KCNQ1: variants seen among roughly 807,000 people sequenced by gnomAD.
KCNQ1 encodes potassium voltage-gated channel subfamily KQT member 1.
Under a neutral mutation model 72.4 loss-of-function variants are expected in KCNQ1, and 49 were observed. That is an observed-to-expected ratio of 0.68 (90% CI 0.54 to 0.86). KCNQ1 has a LOEUF of 0.86. KCNQ1 is among the 40% of genes least tolerant of loss of function. KCNQ1 has a pLI of 0.00. For missense variants in KCNQ1, 790 were observed against 945.1 expected (o/e 0.84, Z 2.15); for synonymous variants, 450 against 412.6 (o/e 1.09, Z -1.10).
chr11:2,780,188 C>G (rs1160069957), intron 15 of KCNQ1, among the ~76,000 whole-genome samples: 1 of 152,166 alleles, frequency 6.6e-6, no homozygotes, highest in Non-Finnish European at 1.5e-5. Context: ...CTGTGCTGAC[C>G]TAGGTGGGTA....
intron 6 of KCNQ1, among the ~76,000 whole-genome samples, chr11:2,583,063 G>C (rs1848527435): frequency 6.6e-6 from 1 of 152,174 alleles, no homozygotes; most frequent in African/African-American, 2.4e-5. Flanking sequence ...CGGTCTCCTG[G>C]GGGCCGGCGC....
chr11:2,612,956 T>A lies in KCNQ1; in HGVS notation c.1393+24102T>A, dbSNP rs781622334. On this transcript the variant is annotated intron_variant, in intron 10 of 15. Coordinates refer to ENST00000155840, the MANE Select transcript of KCNQ1 (RefSeq NM_000218.3). The surrounding 1 kb of genome is among the most constrained non-coding windows in gnomAD (Gnocchi z 5.5). Reference sequence around the variant, plus strand: ...CTGCATGGATTCTGCAGAGTCTGTGTTCTCCTGCAGTGTGCAGCCACTGGT... The same window carrying A: ...CTGCATGGATTCTGCAGAGTCTGTGATCTCCTGCAGTGTGCAGCCACTGGT... The A allele has an allele frequency of 3.5e-4, 139 of 398,628 alleles. 1 individual carries two copies. Among genetic ancestry groups the A allele is most frequent in the Middle Eastern group, 2.5e-3 (4 of 1,588 alleles). The allele number at this position is 398,628 out of a possible 1,614,324, so 24.7% of individuals were successfully genotyped here.
At chr11:2,643,353 A>G (rs1196974222) in intron 10 of KCNQ1, 1 of 398,230 alleles carries the variant, frequency 2.5e-6, no homozygotes, top group South Asian at 1.3e-4. Context: ...TTGGGTGCAT[A>G]TATGTTTAGA....
chr11:2,722,634 C>T (rs753280575), intron 11 of KCNQ1, among the ~76,000 whole-genome samples: 4 of 152,146 alleles, frequency 2.6e-5, no homozygotes, highest in African/African-American at 7.2e-5. Context: ...AGAGCGATGC[C>T]GTAGCCAGGG....
Position 2,817,198 on chromosome 11 carries a change from G to A in KCNQ1, c.1795-30569G>A, listed in dbSNP as rs1314508177. Among the ~76,000 whole-genome samples the A allele has an allele frequency of 1.3e-5, 2 of 152,224 alleles. No homozygotes were observed. The highest frequency in any genetic ancestry group is 6.5e-5 in the Admixed American group (1 of 15,290). On this transcript the variant is annotated intron_variant, in intron 15 of 15. Transcript: ENST00000155840. This position sits in a 1 kb window ranked among gnomAD's most constrained non-coding sequence, Gnocchi z 6.1. ...GGGTTAACGGTGCAAGCTCCTCACG[G>A]CACCAGTGCGCTTGCCTTTGACATG...
Position 2,657,771 on chromosome 11 carries a change from T to C in KCNQ1, c.1394-4190T>C, listed in dbSNP as rs1849875998. On this transcript the variant is annotated intron_variant, in intron 10 of 15. Coordinates refer to ENST00000155840, the MANE Select transcript of KCNQ1 (RefSeq NM_000218.3). The surrounding 1 kb of genome is among the most constrained non-coding windows in gnomAD (Gnocchi z 4.8). ...CTTCTCAGTCTTGTTCTTCATTAAC[T>C]TGACACTTTTGAAGAATACCAGTCA... 2.5e-6 allele frequency: 1 copy of C among 398,670 alleles called. No homozygotes were observed. The highest frequency in any genetic ancestry group is 4.4e-6 in the Non-Finnish European group (1 of 226,072). The allele number at this position is 398,670 out of a possible 1,614,324, so 24.7% of individuals were successfully genotyped here.
chr11:2,737,260 G>A (rs909422749), intron 11 of KCNQ1, among the ~76,000 whole-genome samples: 1 of 152,172 alleles, frequency 6.6e-6, no homozygotes, highest in African/African-American at 2.4e-5. Flanking sequence ...CAGAAGTGAA[G>A]GGGTGCCGGT....
rs1352746843 is a variant in KCNQ1 at position 2,491,237 on chromosome 11, CCAAA to C, written c.387-36685_387-36682del. Reference sequence around the variant, plus strand: ...GACCATCTAGGAAAACATGACCTGACCAAACAAACTAAATAAAGCATCAGGGACC... The same window carrying C: ...GACCATCTAGGAAAACATGACCTGACCAAACTAAATAAAGCATCAGGGACC... On this transcript the variant is annotated intron_variant, in intron 1 of 15. Coordinates refer to ENST00000155840, the MANE Select transcript of KCNQ1 (RefSeq NM_000218.3). The surrounding 1 kb of genome is among the most constrained non-coding windows in gnomAD (Gnocchi z 4.1). Among the ~76,000 whole-genome samples, 1 of 152,096 alleles carries C rather than the reference CCAAA, an allele frequency of 6.6e-6. No individual in the cohort carries two copies. Among genetic ancestry groups the C allele is most frequent in the Non-Finnish European group, 1.5e-5 (1 of 68,012 alleles).
Position 2,611,352 on chromosome 11 carries a change from T to A in KCNQ1, c.1393+22498T>A. On this transcript the variant is annotated intron_variant, in intron 10 of 15. Transcript: ENST00000155840. The surrounding 1 kb of genome is among the most constrained non-coding windows in gnomAD (Gnocchi z 5.3). ...CTCTTGCCTCAGCATCCCAAGTAGC[T>A]GGGACTACAGGCATTTGCCACCATA... 2.5e-6 allele frequency: 1 copy of A among 397,550 alleles called. No individual in the cohort carries two copies. Among genetic ancestry groups the A allele is most frequent in the Non-Finnish European group, 4.4e-6 (1 of 225,948 alleles). The allele number at this position is 397,550 out of a possible 1,614,324, so 24.6% of individuals were successfully genotyped here. A position where few individuals can be genotyped will look rare whatever the true frequency, so the allele number is the denominator to read the frequency against.
At chr11:2,448,381 C>A (rs866432381) in intron 1 of KCNQ1, among the ~76,000 whole-genome samples, 1 of 152,236 alleles carries the variant, frequency 6.6e-6, no homozygotes. Context: ...AGAACCCTCG[C>A]GGGTGCGTGT....
Position 2,768,776 on chromosome 11 carries a change from C to A in KCNQ1, c.1515-68C>A. 2 of 1,202,002 alleles carry A rather than the reference C, an allele frequency of 1.7e-6. No homozygotes were observed. The highest frequency in any genetic ancestry group is 2.5e-6 in the Non-Finnish European group (2 of 803,916). 74.5% of individuals were successfully genotyped at this position (1,202,002 alleles called of 1,614,324 possible). Reference sequence around the variant, plus strand: ...CAGTCTGCGTGCTCCTCAGGCAGTGCAGGGGCAGTGAGGGGATGACCAGCA... The same window carrying A: ...CAGTCTGCGTGCTCCTCAGGCAGTGAAGGGGCAGTGAGGGGATGACCAGCA... On this transcript the variant is annotated intron_variant, in intron 11 of 15. Transcript: ENST00000155840. This position sits in a 1 kb window ranked among gnomAD's most constrained non-coding sequence, Gnocchi z 6.7.
intron 1 of KCNQ1, among the ~76,000 whole-genome samples, chr11:2,480,520 A>C (rs1331570076): frequency 6.6e-6 from 1 of 152,240 alleles, no homozygotes; most frequent in Non-Finnish European, 1.5e-5. Flanking sequence ...CCACGAGAAC[A>C]ATATGGGAGA....
intron 4 of KCNQ1, 28 bp downstream of exon 4, chr11:2,571,431 C>A: frequency 6.3e-7 from 1 of 1,584,866 alleles, no homozygotes; most frequent in Non-Finnish European, 8.6e-7. Context: ...GCTCCCCCCG[C>A]CATGCCGCCC....
At chr11:2,675,496 T>G (rs116980763) in intron 11 of KCNQ1, 1 of 398,548 alleles carries the variant, frequency 2.5e-6, no homozygotes, top group Admixed American at 4.4e-5. Flanking sequence ...TCATGAGACA[T>G]AGCAGTCACA....
In KCNQ1 at chr11:2,805,122, C is replaced by T. The variant is rs937645663; in HGVS notation, c.1794+27085C>T. ...CCGGACAAGCCCTCTGGTGTGTCAG[C>T]GGGTCAGGCTGAGCCAGACGTGGAG... is the stretch of plus-strand genomic sequence containing the variant. On this transcript the variant is annotated intron_variant, in intron 15 of 15. Transcript: ENST00000155840. 6.6e-5 allele frequency among the ~76,000 whole-genome samples: 10 copies of T among 152,332 alleles called. 1 individual carries two copies. In the South Asian group the frequency reaches 1.2e-3, roughly 19 times the overall value.
At chr11:2,487,577 TC>T (rs544137538) in intron 1 of KCNQ1, among the ~76,000 whole-genome samples, 28 of 152,302 alleles carry the variant, frequency 1.8e-4, no homozygotes, top group African/African-American at 5.8e-4. Context: ...GCTGCAGAAG[TC>T]TTTTACCTCC....
intron 11 of KCNQ1, among the ~76,000 whole-genome samples, chr11:2,749,129 A>G (rs1271259623): frequency 1.3e-5 from 2 of 152,218 alleles, no homozygotes; most frequent in East Asian, 3.9e-4. Flanking sequence ...GGCTCAGGCC[A>G]GGCCAAACAT....
At chr11:2,721,909 T>C (rs1851209916) in intron 11 of KCNQ1, among the ~76,000 whole-genome samples, 1 of 152,240 alleles carries the variant, frequency 6.6e-6, no homozygotes, top group Non-Finnish European at 1.5e-5. Context: ...CGTGGACTTC[T>C]CATTGGGACT....
At chr11:2,743,484 T>G (rs557456556) in intron 11 of KCNQ1, among the ~76,000 whole-genome samples, 199 of 152,346 alleles carry the variant, frequency 1.3e-3, no homozygotes, top group Middle Eastern at 0.01. Context: ...TGCCGGCTGT[T>G]GCTCTGACTG....
Sources: allele counts gnomAD v4.1 joint callset (sites outside exome capture counted in the v4.1 genomes callset), GRCh38; gene constraint gnomAD v4.1.1; non-coding constraint Gnocchi (gnomAD v3.1); transcripts MANE v1.5; gene names NCBI Gene and HGNC (gene_info 2026-07-23, HGNC 2026-07-21).